GRIK1: variants seen among roughly 807,000 people sequenced by gnomAD.
GRIK1 encodes glutamate ionotropic receptor kainate type subunit 1.
In GRIK1, 69 loss-of-function variants were observed where a neutral mutation model predicts 105.7. That is an observed-to-expected ratio of 0.65 (90% confidence interval 0.54 to 0.80). GRIK1 has a LOEUF of 0.80. Among genes scored for constraint, GRIK1 ranks in the 30% least tolerant of loss-of-function variants. GRIK1 has a pLI of 0.00. For missense variants in GRIK1, 1,109 were observed against 1,167.3 expected (o/e 0.95, Z 0.73); for synonymous variants, 438 against 431.3 (o/e 1.02, Z -0.19).
intron 1 of GRIK1, among the ~76,000 whole-genome samples, chr21:29,829,950 A>G (rs2067579091): frequency 6.6e-6 from 1 of 152,188 alleles, no homozygotes; most frequent in Non-Finnish European, 1.5e-5. Flanking sequence ...GCTGGAAGAA[A>G]AAAAAAATGT....
At chr21:29,716,368 A>C (rs1407711606) in intron 1 of GRIK1, among the ~76,000 whole-genome samples, 1 of 152,222 alleles carries the variant, frequency 6.6e-6, no homozygotes, top group Non-Finnish European at 1.5e-5. Context: ...AACAGTGTGG[A>C]GGGCTTAGAA....
At chr21:29,863,976 G>A (rs551667190) in intron 1 of GRIK1, among the ~76,000 whole-genome samples, 41 of 151,964 alleles carry the variant, frequency 2.7e-4, no homozygotes, top group Admixed American at 8.5e-4. Flanking sequence ...TGTTCCAATA[G>A]GAATTCGTTG....
intron 1 of GRIK1, among the ~76,000 whole-genome samples, chr21:29,912,813 T>A (rs1254134417): frequency 6.6e-6 from 1 of 152,070 alleles, no homozygotes; most frequent in Non-Finnish European, 1.5e-5. Flanking sequence ...AGAGGGTATG[T>A]GAAGAGTTCA....
At chr21:29,875,886 T>G (rs1029061226) in intron 1 of GRIK1, among the ~76,000 whole-genome samples, 3 of 152,160 alleles carry the variant, frequency 2.0e-5, no homozygotes, top group Non-Finnish European at 1.5e-5. Flanking sequence ...TATGAAAAAT[T>G]TTGATAGTCC....
intron 8 of GRIK1, 53 bp from the exon 9 acceptor site, chr21:29,596,623 G>A: frequency 7.9e-7 from 1 of 1,272,826 alleles, no homozygotes; most frequent in Non-Finnish European, 1.1e-6. Flanking sequence ...TTAAAATGGA[G>A]CGTGAAACCC....
At chr21:29,649,978 C>T (rs889325711) in intron 6 of GRIK1, among the ~76,000 whole-genome samples, 1 of 152,190 alleles carries the variant, frequency 6.6e-6, no homozygotes, top group African/African-American at 2.4e-5. Flanking sequence ...CTCTGGTGTT[C>T]CCTCTCCCTT....
At chr21:29,882,183 G>A (rs2069440290) in intron 1 of GRIK1, among the ~76,000 whole-genome samples, 1 of 151,982 alleles carries the variant, frequency 6.6e-6, no homozygotes, top group South Asian at 2.1e-4. Flanking sequence ...GGGACTTTTG[G>A]GTGGTTTTAC....
intron 1 of GRIK1, among the ~76,000 whole-genome samples, chr21:29,728,573 A>C (rs2064528932): frequency 6.6e-6 from 1 of 152,200 alleles, no homozygotes. Flanking sequence ...ATTACATCAC[A>C]GTGTGGATGA....
chr21:29,668,009 G>C (rs185303739), intron 4 of GRIK1, among the ~76,000 whole-genome samples: 123 of 152,322 alleles, frequency 8.1e-4, no homozygotes, highest in Non-Finnish European at 1.1e-3. Context: ...TGGCAGAGAT[G>C]AGAGTATAGC....
chr21:29,561,001 C>T (rs954368416), intron 15 of GRIK1, among the ~76,000 whole-genome samples: 5 of 152,112 alleles, frequency 3.3e-5, no homozygotes, highest in African/African-American at 4.8e-5. Flanking sequence ...CTCCTATAGA[C>T]GTACAAGAAT....
chr21:29,717,289 C>T (rs1036547910), intron 1 of GRIK1, among the ~76,000 whole-genome samples: 4 of 152,190 alleles, frequency 2.6e-5, no homozygotes, highest in Non-Finnish European at 5.9e-5. Flanking sequence ...CTGTAGCACT[C>T]CCTAGTAAAG....
intron 16 of GRIK1, among the ~76,000 whole-genome samples, chr21:29,541,510 TTAAAA>T (rs895683268): frequency 2.0e-5 from 3 of 151,806 alleles, no homozygotes; most frequent in Admixed American, 1.3e-4. Flanking sequence ...TGCTCTTTCT[TTAAAA>T]TAAAGTTTTA....
chr21:29,560,367 TCCTTCCTTCCTTCCTTCC>T (rs2090397561), intron 15 of GRIK1, among the ~76,000 whole-genome samples: 8 of 27,944 alleles, frequency 2.9e-4, no homozygotes, highest in African/African-American at 8.7e-4. Context: ...TTTTCTTTCT[TCCTTCCTTCCTTCCTTCC>T]TTCCTTCCTT....
chr21:29,925,684 T>C (rs1402979537), intron 1 of GRIK1, among the ~76,000 whole-genome samples: 3 of 152,214 alleles, frequency 2.0e-5, no homozygotes, highest in African/African-American at 7.2e-5. Context: ...CCAGGAATTG[T>C]TCACCGATTT....
chr21:29,565,903 C>G (rs1311099297), intron 14 of GRIK1, among the ~76,000 whole-genome samples: 1 of 152,182 alleles, frequency 6.6e-6, no homozygotes, highest in Non-Finnish European at 1.5e-5. Flanking sequence ...CAGAAGGTGG[C>G]AGAGGGTTAG....
chr21:29,615,539 C>T lies in GRIK1; in HGVS notation c.1099-16602G>A, dbSNP rs528401529. Among the ~76,000 whole-genome samples the T allele has an allele frequency of 6.2e-4, 95 of 152,136 alleles. 1 individual carries two copies. The highest frequency in any genetic ancestry group is 1.1e-3 in the Non-Finnish European group (77 of 68,034). Reference sequence around the variant, plus strand: ...GGCCAGGCTGGTCTTGAACTCCTGACCTCAGGTGATCCACCTGCTTTGGCC... The same window carrying T: ...GGCCAGGCTGGTCTTGAACTCCTGATCTCAGGTGATCCACCTGCTTTGGCC... On this transcript the variant is annotated intron_variant, in intron 7 of 17. Transcript: ENST00000327783.
intron 1 of GRIK1, among the ~76,000 whole-genome samples, chr21:29,934,749 A>T (rs1015688225): frequency 2.0e-5 from 3 of 152,184 alleles, no homozygotes; most frequent in African/African-American, 7.2e-5. Flanking sequence ...ACGCAAAGTC[A>T]CTATCTCAAT....
intron 1 of GRIK1, among the ~76,000 whole-genome samples, chr21:29,707,458 C>CCCTTCCTTCCTTCCTTCCTT (rs1400209375): frequency 2.2e-5 from 2 of 89,648 alleles, no homozygotes; most frequent in Admixed American, 1.2e-4. Flanking sequence ...CTCCCTCCCT[C>CCCTTCCTTCCTTCCTTCCTT]CCTCCCTCCC....
intron 1 of GRIK1, among the ~76,000 whole-genome samples, chr21:29,856,466 C>A (rs951092938): frequency 2.0e-5 from 3 of 152,162 alleles, no homozygotes; most frequent in Non-Finnish European, 4.4e-5. Context: ...TGTGAACACA[C>A]AATGAATACC....
Sources: allele counts gnomAD v4.1 joint callset (sites outside exome capture counted in the v4.1 genomes callset), GRCh38; gene constraint gnomAD v4.1.1; transcripts MANE v1.5; gene names NCBI Gene and HGNC (gene_info 2026-07-23, HGNC 2026-07-21).